The following STXBP6 variants were observed in gnomAD, a reference collection of about 807,000 sequenced individuals.
STXBP6 encodes syntaxin binding protein 6.
In STXBP6, 21 loss-of-function variants were observed where a neutral mutation model predicts 26.9. The ratio of observed to expected loss-of-function variants is 0.78; its 90% CI spans 0.55 to 1.12. The LOEUF is 1.12. Among genes scored for constraint, STXBP6 ranks in the 50% most tolerant of loss-of-function variants. STXBP6 has a pLI of 0.00. For missense variants in STXBP6, 232 were observed against 257.9 expected (o/e 0.90, Z 0.69); for synonymous variants, 97 against 92.6 (o/e 1.05, Z -0.27).
intron 1 of STXBP6, among the ~76,000 whole-genome samples, chr14:24,976,852 C>CTTTTTTTTTTTTT (rs71121808): frequency 0.011 from 510 of 45,276 alleles, 103 homozygotes; most frequent in African/African-American, 0.029. Flanking sequence ...ACTGGGCGCT[C>CTTTTTTTTTTTTT]TTTTTTTTTT....
chr14:24,836,272 G>C (rs756810956), intron 4 of STXBP6, among the ~76,000 whole-genome samples: 4 of 152,134 alleles, frequency 2.6e-5, no homozygotes, highest in South Asian at 2.1e-4. Context: ...AACTACTAAA[G>C]ATAAATAGCG....
intron 1 of STXBP6, among the ~76,000 whole-genome samples, chr14:24,996,769 C>T (rs912257460): frequency 1.0e-4 from 15 of 146,216 alleles, no homozygotes; most frequent in South Asian, 2.2e-4. Context: ...GCAGGAGAAT[C>T]GCTTGAACCC....
chr14:24,864,612 C>T (rs769226922), intron 2 of STXBP6, among the ~76,000 whole-genome samples: 5 of 151,766 alleles, frequency 3.3e-5, no homozygotes, highest in Non-Finnish European at 7.4e-5. Context: ...TGTGAGAAGG[C>T]CATTCCAAAG....
At chr14:25,041,944 G>T (rs971764804) in intron 1 of STXBP6, among the ~76,000 whole-genome samples, 1 of 152,006 alleles carries the variant, frequency 6.6e-6, no homozygotes, top group Non-Finnish European at 1.5e-5. Flanking sequence ...GTAGAACAGG[G>T]TCTCAAAGGG....
intron 1 of STXBP6, among the ~76,000 whole-genome samples, chr14:25,048,284 G>A (rs1013715590): frequency 3.9e-5 from 6 of 152,168 alleles, no homozygotes; most frequent in Admixed American, 3.9e-4. Flanking sequence ...TCTCATCTGA[G>A]TTTACAACAA....
chr14:24,959,049 T>G (rs1055866448), intron 2 of STXBP6, among the ~76,000 whole-genome samples: 10 of 152,146 alleles, frequency 6.6e-5, no homozygotes, highest in Non-Finnish European at 1.0e-4. Flanking sequence ...GTAAAATGGG[T>G]GATAGTCGTT....
At chr14:24,902,558 C>T (rs976050853) in intron 2 of STXBP6, among the ~76,000 whole-genome samples, 1 of 152,202 alleles carries the variant, frequency 6.6e-6, no homozygotes, top group Non-Finnish European at 1.5e-5. Context: ...GGTAACATCA[C>T]AACTCTACAG....
intron 1 of STXBP6, among the ~76,000 whole-genome samples, chr14:25,014,134 G>T (rs1368611791): frequency 6.6e-6 from 1 of 152,170 alleles, no homozygotes; most frequent in Non-Finnish European, 1.5e-5. Flanking sequence ...CTGAGAGAGA[G>T]GCACATAGGG....
chr14:25,028,210 C>T (rs769381481), intron 1 of STXBP6, among the ~76,000 whole-genome samples: 1 of 152,172 alleles, frequency 6.6e-6, no homozygotes, highest in Non-Finnish European at 1.5e-5. Flanking sequence ...ATGAACAGCC[C>T]TATATTGGAA....
chr14:24,929,611 C>T (rs10162424), intron 2 of STXBP6, among the ~76,000 whole-genome samples: 37,318 of 152,108 alleles, frequency 0.25, 4,856 homozygotes, highest in African/African-American at 0.34. Flanking sequence ...ATTTAGACTT[C>T]CAGCACTAAA....
Position 24,812,740 on chromosome 14 carries a change from G to C in STXBP6, c.610-8C>G. 1 of 1,613,702 alleles carries C rather than the reference G, an allele frequency of 6.2e-7. No homozygotes were observed. The highest frequency in any genetic ancestry group is 8.5e-7 in the Non-Finnish European group (1 of 1,179,670). The stretch of plus-strand genomic sequence containing the variant: ...TTTGTGCTTCATGGCAAGCTAAGGA[G>C]AGAGAGGAATGAGAAAAGTAAGACT... On this transcript the variant is annotated splice_polypyrimidine_tract_variant and splice_region_variant and intron_variant, in intron 5 of 5. Transcript: ENST00000323944.
chr14:24,916,361 C>T (rs2071764997), intron 2 of STXBP6, among the ~76,000 whole-genome samples: 1 of 152,078 alleles, frequency 6.6e-6, no homozygotes, highest in African/African-American at 2.4e-5. Flanking sequence ...TCACATAACA[C>T]CTTTCTGAGT....
At chr14:24,829,788 C>G (rs770034753) in intron 4 of STXBP6, among the ~76,000 whole-genome samples, 1 of 152,166 alleles carries the variant, frequency 6.6e-6, no homozygotes, top group East Asian at 1.9e-4. Context: ...ATTGTCCCCA[C>G]CCCATGACCG....
chr14:24,982,229 C>CT (rs2074213782), intron 1 of STXBP6, among the ~76,000 whole-genome samples: 2 of 152,250 alleles, frequency 1.3e-5, no homozygotes, highest in African/African-American at 4.8e-5. Context: ...TGACCATATT[C>CT]TTTTTTCAAC....
At chr14:24,975,415 T>C (rs553381694) in intron 1 of STXBP6, among the ~76,000 whole-genome samples, 1 of 152,212 alleles carries the variant, frequency 6.6e-6, no homozygotes, top group Non-Finnish European at 1.5e-5. Flanking sequence ...TCACGCTAAG[T>C]AATGAATTCT....
chr14:24,856,135 A>G, intron 3 of STXBP6, 34 bp from the exon 4 acceptor site: 1 of 1,542,396 alleles, frequency 6.5e-7, no homozygotes, highest in Non-Finnish European at 8.7e-7. Context: ...ACTAATCTCA[A>G]TCTATAAAAA....
At chr14:25,033,217 T>C (rs1027105042) in intron 1 of STXBP6, among the ~76,000 whole-genome samples, 29 of 152,170 alleles carry the variant, frequency 1.9e-4, no homozygotes, top group Admixed American at 1.8e-3. Flanking sequence ...CTCTGGCATC[T>C]CCCTGTTTCT....
intron 2 of STXBP6, among the ~76,000 whole-genome samples, chr14:24,929,102 C>CA (rs1181095765): frequency 6.6e-6 from 1 of 152,146 alleles, no homozygotes; most frequent in Non-Finnish European, 1.5e-5. Flanking sequence ...AAAAGGCCTC[C>CA]AAAAAAATCT....
At chr14:24,906,856 C>G (rs960974394) in intron 2 of STXBP6, among the ~76,000 whole-genome samples, 5 of 151,950 alleles carry the variant, frequency 3.3e-5, no homozygotes, top group Non-Finnish European at 7.4e-5. Flanking sequence ...ACAAAGAAAG[C>G]AGAAACTACT....
Sources: gnomAD v4.1 joint callset for allele counts (sites outside exome capture counted in the v4.1 genomes callset) on GRCh38, gnomAD v4.1.1 for gene constraint, MANE v1.5 for transcripts, NCBI Gene and HGNC (gene_info 2026-07-23, HGNC 2026-07-21) for gene names.